Variants in FN1 observed in about 807,000 individuals in gnomAD.
The protein encoded by FN1 is fibronectin.
In FN1, 106 loss-of-function variants were observed where a neutral mutation model predicts 297.3. The ratio of observed to expected loss-of-function variants is 0.36; its 90% CI spans 0.30 to 0.42. The LOEUF is 0.42. FN1 is among the 10% of genes least tolerant of loss of function. The probability of loss-of-function intolerance (pLI) is 1.00; values close to 1 mark genes in which losing one functional copy is unlikely to be tolerated. For missense variants in FN1, 2,690 were observed against 3,124.9 expected, an observed-to-expected ratio of 0.86 and a Z score of 3.32; for synonymous variants, 1,149 against 1,152.6, an observed-to-expected ratio of 1.00 and a Z score of 0.06.
chr2:215,418,435 C>T (rs1306782912), intron 12 of FN1, among the ~76,000 whole-genome samples: 5 of 152,202 alleles, frequency 3.3e-5, no homozygotes, highest in Non-Finnish European at 7.3e-5. Context: ...CAGATTCTGA[C>T]ACCCTGAAAC....
At position 215,378,195 on chromosome 2, in the gene FN1, C is replaced by T; in HGVS notation, c.5690G>A (p.Gly1897Glu). The T allele has an allele frequency of 6.2e-7, 1 of 1,608,170 alleles. No individual in the cohort carries two copies. Among genetic ancestry groups the T allele is most frequent in the South Asian group, 1.1e-5 (1 of 90,954 alleles). ...CTTACTCTCCAGAGTGGTGACAACT[C>T]CCTGAGCTGGTCTGCTTGTCAAAGT... ...KDTLTSRPAQGVVTTLENVSP... is the reference protein window; with the variant it reads ...KDTLTSRPAQEVVTTLENVSP... Residue 1897 changes from glycine to glutamate, a missense_variant, in exon 35 of 46, where the codon GGA becomes GAA. By Grantham distance (98) the Gly-to-Glu change is moderately conservative. Coordinates refer to ENST00000354785, the MANE Select transcript of FN1 (RefSeq NM_212482.4).
chr2:215,382,433 T>C (rs1258825776), intron 31 of FN1, 108 bp from the exon 32 acceptor site: 2 of 719,558 alleles, frequency 2.8e-6, no homozygotes, highest in Non-Finnish European at 5.0e-6. Flanking sequence ...GAATTTTTAT[T>C]TGCAGAATTG....
In FN1 at chr2:215,425,258, G is replaced by T. The variant is rs747310742; in HGVS notation, c.872C>A (p.Ala291Glu). ...GTGAGGCTGCGGTTGGTAAACAGCTGCACGAACATCGGTGAAGGGGCCAGA... is the reference window on the plus strand; with the variant it reads ...GTGAGGCTGCGGTTGGTAAACAGCTTCACGAACATCGGTGAAGGGGCCAGA... The part of the protein sequence containing the change: ...SGSGPFTDVR[A>E]AVYQPQPHPQ... Residue 291 changes from alanine (A) to glutamate (E), a missense_variant, in exon 7 of 46, where the codon GCA (alanine) becomes GAA (glutamate). This residue lies in a region of FN1 where 876 missense variants were observed against 1,058.1 expected (regional missense o/e 0.83). Transcript: ENST00000354785. The T allele has an allele frequency of 5.0e-6, 8 of 1,614,038 alleles. No homozygotes were observed. The highest frequency in any genetic ancestry group is 1.1e-5 in the South Asian group (1 of 91,084).
chr2:215,365,051 G>A (rs929374991), intron 43 of FN1, 66 bp from the exon 44 acceptor site: 14 of 1,052,818 alleles, frequency 1.3e-5, no homozygotes, highest in Admixed American at 7.9e-5. Flanking sequence ...TGATCTAGGG[G>A]TGGGTTCTAT....
chr2:215,422,311 A>G, intron 9 of FN1, 68 bp from the exon 10 acceptor site: 1 of 1,452,900 alleles, frequency 6.9e-7, no homozygotes, highest in Non-Finnish European at 9.7e-7. Flanking sequence ...ATGTGTGCAA[A>G]AGGATCAGTT....
chr2:215,369,934 G>C (rs10932613), intron 41 of FN1, among the ~76,000 whole-genome samples: 1 of 152,074 alleles, frequency 6.6e-6, no homozygotes, highest in South Asian at 2.1e-4. Flanking sequence ...AGCATGGTGA[G>C]ATGGAGAGGG....
chr2:215,379,428 C>T, intron 33 of FN1, 111 bp from the exon 34 acceptor site: 1 of 924,746 alleles, frequency 1.1e-6, no homozygotes, highest in Admixed American at 2.0e-5. Context: ...TAGGTGGGTT[C>T]CCTGGTCAAG....
chr2:215,377,187 T>C (rs1009588435), intron 35 of FN1, among the ~76,000 whole-genome samples: 4 of 152,066 alleles, frequency 2.6e-5, no homozygotes, highest in Non-Finnish European at 4.4e-5. Flanking sequence ...TGATAAAACT[T>C]TGACACTTTA....
chr2:215,411,193 A>G (rs1341645371), intron 13 of FN1, among the ~76,000 whole-genome samples: 2 of 152,206 alleles, frequency 1.3e-5, no homozygotes, highest in African/African-American at 2.4e-5. Context: ...GTTCAGCTTC[A>G]TTAATATGCC....
chr2:215,407,949 C>G (rs577169867), intron 17 of FN1, among the ~76,000 whole-genome samples, 159 bp downstream of exon 17: 16 of 21,150 alleles, frequency 7.6e-4, no homozygotes, highest in East Asian at 5.9e-3. Context: ...ACTCCCCCAC[C>G]CCCGCCACAC....
intron 9 of FN1, among the ~76,000 whole-genome samples, chr2:215,422,497 T>C (rs111921151): frequency 5.5e-4 from 84 of 151,668 alleles, no homozygotes; most frequent in African/African-American, 1.8e-3. Context: ...ACTAAGATAA[T>C]ATCTACACAT....
intron 44 of FN1, among the ~76,000 whole-genome samples, chr2:215,363,964 A>G (rs905307194): frequency 6.6e-6 from 1 of 152,160 alleles, no homozygotes; most frequent in African/African-American, 2.4e-5. Flanking sequence ...ACCAAAGCCC[A>G]CCTGGGCCAG....
intron 40 of FN1, among the ~76,000 whole-genome samples, chr2:215,370,770 G>C (rs564634990): frequency 6.6e-6 from 1 of 152,236 alleles, no homozygotes; most frequent in East Asian, 1.9e-4. Context: ...CCCTGGCCAT[G>C]TTTGCTTCAC....
chr2:215,401,239 A>G (rs191619254), intron 20 of FN1, among the ~76,000 whole-genome samples: 9,347 of 64,678 alleles, frequency 0.14, 775 homozygotes, highest in Non-Finnish European at 0.19. Flanking sequence ...AGAAAGAAAG[A>G]AAGAAAGAAA....
In FN1 at chr2:215,435,757, A is replaced by C. The variant is rs775534734; in HGVS notation, c.46T>G (p.Cys16Gly). The change falls in exon 1 of 46, where the codon TGC (cysteine) becomes GGC (glycine). Residue 16 changes from cysteine to glycine, a missense_variant. Around this residue, in one of 3 missense-constraint regions of FN1, gnomAD observed 876 missense variants for 1,058.1 expected, o/e 0.83. Coordinates refer to ENST00000354785, the MANE Select transcript of FN1 (RefSeq NM_212482.4). ...GTGGAGGGCACCGCTGTCCCCAGGCACTGGACGGCCAGCAGCAGCAGCCCG... is the reference window on the plus strand; with the variant it reads ...GTGGAGGGCACCGCTGTCCCCAGGCCCTGGACGGCCAGCAGCAGCAGCCCG... ...GPGLLLLAVQ[C>G]LGTAVPSTGA... 1.8e-5 allele frequency: 29 copies of C among 1,599,200 alleles called. No homozygotes were observed. In the East Asian group the frequency reaches 2.2e-4, roughly 12 times the overall value.
intron 19 of FN1, 82 bp from the exon 20 acceptor site, chr2:215,404,737 C>T: frequency 7.7e-7 from 1 of 1,293,972 alleles, no homozygotes; most frequent in Non-Finnish European, 1.1e-6. Context: ...GATTGAATGT[C>T]TAAGTTTTCT....
At position 215,422,290 on chromosome 2, in the gene FN1, T is replaced by A. The variant is rs772115427; in HGVS notation, c.1394-47A>T. ...ATGCACTTGATAAATGATCACCAGG[T>A]CTAAACATGTATGTGTGCAAAAGGA... On this transcript the variant is annotated intron_variant, in intron 9 of 45. Coordinates refer to ENST00000354785, the MANE Select transcript of FN1 (RefSeq NM_212482.4). 4.5e-6 allele frequency: 7 copies of A among 1,564,416 alleles called. No individual in the cohort carries two copies. The Admixed American group carries it at 1.2e-4, about 26-fold the overall frequency.
Position 215,424,333 on chromosome 2 carries a change from C to T in FN1, c.1037-8G>A, listed in dbSNP as rs377703511. On this transcript the variant is annotated splice_region_variant and splice_polypyrimidine_tract_variant and intron_variant, in intron 7 of 45. Transcript: ENST00000354785. ...CGTAAGTCTGGGTTACAGCTACAAT[C>T]ATAATCAAAAGAGTGTCAGTAAACA... 1.1e-5 allele frequency: 17 copies of T among 1,612,106 alleles called. No individual in the cohort carries two copies. The African/African-American group carries it at 2.0e-4, about 19-fold the overall frequency.
In FN1 at chr2:215,424,332, T is replaced by C. The variant is rs199915277; in HGVS notation, c.1037-7A>G. 3 of 1,612,582 alleles carry C rather than the reference T, an allele frequency of 1.9e-6. No individual in the cohort carries two copies. The African/African-American group carries it at 4.0e-5, about 22-fold the overall frequency. ...CCGTAAGTCTGGGTTACAGCTACAA[T>C]CATAATCAAAAGAGTGTCAGTAAAC... On this transcript the variant is annotated splice_region_variant and splice_polypyrimidine_tract_variant and intron_variant, in intron 7 of 45. Coordinates refer to ENST00000354785, the MANE Select transcript of FN1 (RefSeq NM_212482.4).
Sources: allele counts gnomAD v4.1 joint callset (sites outside exome capture counted in the v4.1 genomes callset), GRCh38; gene constraint gnomAD v4.1.1; regional missense constraint gnomAD v4.1.1; transcripts MANE v1.5; gene names NCBI Gene and HGNC (gene_info 2026-07-23, HGNC 2026-07-21).